Variants in AMZ1 observed in about 807,000 individuals in gnomAD.
The protein encoded by AMZ1 is archaemetzincin-1.
AMZ1 carries 39 observed loss-of-function variants against 29.9 expected under a neutral mutation model. The ratio of observed to expected loss-of-function variants is 1.30; its 90% CI spans 1.01 to 1.70. The LOEUF is 1.70. AMZ1 is among the 40% of genes most tolerant of loss of function. The pLI, the probability that AMZ1 is intolerant of heterozygous loss-of-function variation, is 0.00. For missense variants in AMZ1, 1,041 were observed against 680.6 expected (o/e 1.53, Z -5.89); for synonymous variants, 458 against 304.0 (o/e 1.51, Z -5.27).
intron 4 of AMZ1, among the ~76,000 whole-genome samples, chr7:2,757,729 T>C (rs1397538799): frequency 1.3e-5 from 2 of 152,184 alleles, no homozygotes; most frequent in Non-Finnish European, 2.9e-5. Context: ...TAGGGCAAAA[T>C]AACCATGAAG....
chr7:2,708,811 A>G (rs1562371641), intron 4 of AMZ1, 95 bp downstream of exon 4: 22 of 1,575,518 alleles, frequency 1.4e-5, no homozygotes, highest in Non-Finnish European at 1.7e-5. Context: ...TTTTGCTTCA[A>G]GCACCCTCCT....
intron 1 of AMZ1, among the ~76,000 whole-genome samples, chr7:2,680,558 C>T (rs1786846297): frequency 6.6e-6 from 1 of 152,162 alleles, no homozygotes; most frequent in African/African-American, 2.4e-5. Flanking sequence ...GCTGGAGATG[C>T]CCAAGGAGTA....
At chr7:2,683,169 G>A (rs1786947150) in intron 1 of AMZ1, among the ~76,000 whole-genome samples, 1 of 152,226 alleles carries the variant, frequency 6.6e-6, no homozygotes, top group Admixed American at 6.5e-5. Flanking sequence ...ATGTGGATGA[G>A]TTTCCTGCGG....
intron 4 of AMZ1, among the ~76,000 whole-genome samples, chr7:2,757,663 A>G (rs1791367866): frequency 6.6e-6 from 1 of 152,188 alleles, no homozygotes; most frequent in Non-Finnish European, 1.5e-5. Context: ...TGCCGTTTTA[A>G]GTTGCTAATT....
At chr7:2,746,526 G>C (rs1418727380) in intron 4 of AMZ1, among the ~76,000 whole-genome samples, 1 of 151,548 alleles carries the variant, frequency 6.6e-6, no homozygotes, top group Non-Finnish European at 1.5e-5. Flanking sequence ...GCAGTGTGTA[G>C]AGGGAAATTT....
chr7:2,759,845 C>T (rs150502471), upstream of AMZ1, among the ~76,000 whole-genome samples: 704 of 152,066 alleles, frequency 4.6e-3, 2 homozygotes, highest in Non-Finnish European at 8.3e-3. Context: ...AGATGCCGTC[C>T]AATGCGATTG....
chr7:2,707,751 G>A (rs935757157), intron 3 of AMZ1, among the ~76,000 whole-genome samples: 4 of 150,690 alleles, frequency 2.7e-5, no homozygotes, highest in South Asian at 2.1e-4. Context: ...TCCTTCCTCC[G>A]AGCCAGCCCT....
In AMZ1 at chr7:2,709,131, A is replaced by C. The variant is rs200752635; in HGVS notation, c.658A>C (p.Ser220Arg). ...FSGEFPKSGPSAPDLALVEAA... is the reference protein window; with the variant it reads ...FSGEFPKSGPRAPDLALVEAA... ...AGGGGAATTCCCGAAGTCGGGGCCC[A>C]GCGCCCCTGATCTGGCCCTGGTAGA... Residue 220 changes from serine (S) to arginine (R), a missense_variant, in exon 5 of 7, where the codon AGC becomes CGC. By Grantham distance (110) the Ser-to-Arg change is moderately radical. Coordinates refer to ENST00000683327, the MANE Select transcript of AMZ1 (RefSeq NM_001384743.1). 5 of 1,598,954 alleles carry C rather than the reference A, an allele frequency of 3.1e-6. No individual in the cohort carries two copies. The East Asian group carries it at 1.1e-4, about 36-fold the overall frequency.
At chr7:2,689,540 G>C (rs1019502945) in intron 1 of AMZ1, among the ~76,000 whole-genome samples, 2 of 152,198 alleles carry the variant, frequency 1.3e-5, no homozygotes, top group African/African-American at 4.8e-5. Context: ...GAACATCCCT[G>C]CTCCAGGAGC....
chr7:2,751,669 GA>G (rs2115363632), intron 4 of AMZ1, among the ~76,000 whole-genome samples: 1 of 152,292 alleles, frequency 6.6e-6, no homozygotes, highest in South Asian at 2.1e-4. Flanking sequence ...CCAGTATCAG[GA>G]ATGAAAAAGT....
chr7:2,739,354 T>G (rs1403827664), intron 4 of AMZ1, among the ~76,000 whole-genome samples: 1 of 152,218 alleles, frequency 6.6e-6, no homozygotes, highest in Admixed American at 6.5e-5. Flanking sequence ...CGGTTCTGGA[T>G]CTCTCATTGG....
At chr7:2,702,305 A>G (rs1788097764) in intron 2 of AMZ1, 1 of 169,602 alleles carries the variant, frequency 5.9e-6, no homozygotes, top group Non-Finnish European at 1.3e-5. Flanking sequence ...CCAGGCTGGC[A>G]TTTTGCAGCC....
chr7:2,690,468 G>A lies in AMZ1; in HGVS notation c.-219+2172G>A, dbSNP rs949229078. Among the ~76,000 whole-genome samples the A allele has an allele frequency of 3.9e-5, 6 of 152,234 alleles. No homozygotes were observed. The East Asian group carries it at 7.7e-4, about 20-fold the overall frequency. ...ACTCCTGGACTCAAGCGATTGTCCC[G>A]GGAGGTGGCTATTTTTAGAGCTTGC... On this transcript the variant is annotated intron_variant, in intron 1 of 6. Coordinates refer to ENST00000683327, the MANE Select transcript of AMZ1 (RefSeq NM_001384743.1).
chr7:2,687,188 A>C (rs1787113717), upstream of AMZ1, among the ~76,000 whole-genome samples: 1 of 152,114 alleles, frequency 6.6e-6, no homozygotes, highest in African/African-American at 2.4e-5. Flanking sequence ...TTAGCTGGAC[A>C]CAATGATGGG....
chr7:2,725,853 C>T (rs1295605614), intron 4 of AMZ1, among the ~76,000 whole-genome samples: 1 of 152,166 alleles, frequency 6.6e-6, no homozygotes, highest in African/African-American at 2.4e-5. Flanking sequence ...GTGAACCATC[C>T]CCTTCCAGGG....
At chr7:2,763,301 C>G (rs867542609), upstream of AMZ1, 1 of 189,806 alleles carries the variant, frequency 5.3e-6, no homozygotes, top group Non-Finnish European at 1.0e-5. Flanking sequence ...GAGGCTGAGA[C>G]ACAGCCCGGC....
intron 4 of AMZ1, among the ~76,000 whole-genome samples, chr7:2,758,238 C>T (rs908973603): frequency 6.6e-6 from 1 of 152,180 alleles, no homozygotes; most frequent in Non-Finnish European, 1.5e-5. Flanking sequence ...GAAAACAAGG[C>T]TTTAGGGCCG....
intron 4 of AMZ1, among the ~76,000 whole-genome samples, chr7:2,726,392 G>C (rs1049257321): frequency 6.6e-6 from 1 of 152,168 alleles, no homozygotes; most frequent in African/African-American, 2.4e-5. Context: ...GTCAACCCTG[G>C]CTGACATCAG....
intron 4 of AMZ1, among the ~76,000 whole-genome samples, chr7:2,737,269 G>GTTTTTTTTTTTTTTTTTTTTTTTTTTTT (rs1317020597): frequency 2.6e-5 from 1 of 38,112 alleles, no homozygotes; most frequent in African/African-American, 9.4e-5. Flanking sequence ...TCACAGTTTT[G>GTTTTTTTTTTTTTTTTTTTTTTTTTTTT]TTTTGTTTTT....
Sources: allele counts gnomAD v4.1 joint callset (sites outside exome capture counted in the v4.1 genomes callset), GRCh38; gene constraint gnomAD v4.1.1; transcripts MANE v1.5; gene names NCBI Gene and HGNC (gene_info 2026-07-23, HGNC 2026-07-21).